KHDRBS3: variants seen among roughly 807,000 people sequenced by gnomAD.
The protein encoded by KHDRBS3 is KH RNA binding domain containing, signal transduction associated 3.
KHDRBS3 carries 23 observed loss-of-function variants against 45.6 expected under a neutral mutation model. The observed-to-expected ratio is 0.50, with a 90% CI of 0.36 to 0.72. The LOEUF is 0.72. Among genes scored for constraint, KHDRBS3 ranks in the 30% least tolerant of loss-of-function variants. The pLI is 0.00. For missense variants in KHDRBS3, 352 were observed against 424.8 expected (o/e 0.83, Z 1.51); for synonymous variants, 162 against 156.5 (o/e 1.04, Z -0.26).
intron 1 of KHDRBS3, among the ~76,000 whole-genome samples, chr8:135,496,010 C>G (rs1823420700): frequency 6.6e-6 from 1 of 151,438 alleles, no homozygotes; most frequent in Admixed American, 6.6e-5. Flanking sequence ...GATATGTATT[C>G]CCTTCTAGGG....
At chr8:135,542,382 G>C in intron 2 of KHDRBS3, 1 of 353,530 alleles carries the variant, frequency 2.8e-6, no homozygotes, top group Non-Finnish European at 5.2e-6. Context: ...GATAGCAACC[G>C]AGGAATTCTG....
At chr8:135,494,572 C>G (rs928987216) in intron 1 of KHDRBS3, among the ~76,000 whole-genome samples, 1 of 152,158 alleles carries the variant, frequency 6.6e-6, no homozygotes, top group Non-Finnish European at 1.5e-5. Context: ...GCCACCGCGC[C>G]CAGCCCTCCT....
chr8:135,574,255 G>GTTAGCACGTCACCTCCATCATGTTAGC (rs1482696673), intron 5 of KHDRBS3, among the ~76,000 whole-genome samples: 1 of 150,294 alleles, frequency 6.7e-6, no homozygotes, highest in Admixed American at 6.6e-5. Context: ...CCTCCATCAT[G>GTTAGCACGTCACCTCCATCATGTTAGC]CCTTTCTTCC....
At chr8:135,543,275 A>G (rs1281066092) in intron 3 of KHDRBS3, among the ~76,000 whole-genome samples, 1 of 152,188 alleles carries the variant, frequency 6.6e-6, no homozygotes, top group Admixed American at 6.5e-5. Flanking sequence ...TAATTGTTCT[A>G]CTTAGATGTA....
At chr8:135,602,394 G>A (rs1464045982) in intron 6 of KHDRBS3, among the ~76,000 whole-genome samples, 6 of 152,134 alleles carry the variant, frequency 3.9e-5, no homozygotes, top group African/African-American at 1.4e-4. Flanking sequence ...GAAATCTTGT[G>A]AAAATTGCAA....
intron 2 of KHDRBS3, chr8:135,538,580 T>A (rs551883874): frequency 5.3e-5 from 8 of 152,290 alleles, no homozygotes; most frequent in African/African-American, 1.9e-4. Context: ...GCTTAACACT[T>A]TATCTGATAT....
intron 6 of KHDRBS3, among the ~76,000 whole-genome samples, chr8:135,594,397 G>C (rs1339540394): frequency 6.6e-6 from 1 of 152,114 alleles, no homozygotes; most frequent in Non-Finnish European, 1.5e-5. Flanking sequence ...ACTGACTTTC[G>C]AATCCTTGCC....
At chr8:135,611,919 T>C (rs991029811) in intron 7 of KHDRBS3, among the ~76,000 whole-genome samples, 1 of 151,834 alleles carries the variant, frequency 6.6e-6, no homozygotes, top group African/African-American at 2.4e-5. Context: ...TTTCAGATCA[T>C]CCCCAGTATC....
Position 135,582,013 on chromosome 8 carries a change from C to T in KHDRBS3, c.747C>T (p.Val249=), listed in dbSNP as rs776511706. 19 of 1,612,278 alleles carry T rather than the reference C, an allele frequency of 1.2e-5. No homozygotes were observed. Among genetic ancestry groups the T allele is most frequent in the Non-Finnish European group, 1.6e-5 (19 of 1,179,100 alleles). The change falls in exon 6 of 9, where the codon GTC becomes GTT. Residue 249 remains valine (V), a synonymous_variant. Transcript: ENST00000355849. ...RGLLTPRARG[V]PPTGYRPPPP... ...TTCTCACTCCCAGAGCAAGAGGAGTCCCCCCAACTGGGTACAGACCTCCAC... is the reference window on the plus strand; with the variant it reads ...TTCTCACTCCCAGAGCAAGAGGAGTTCCCCCAACTGGGTACAGACCTCCAC...
chr8:135,548,266 C>G (rs1374837717), intron 3 of KHDRBS3, among the ~76,000 whole-genome samples: 1 of 152,112 alleles, frequency 6.6e-6, no homozygotes, highest in East Asian at 1.9e-4. Flanking sequence ...TCACTTTTTA[C>G]TAAGAGAAGA....
intron 5 of KHDRBS3, among the ~76,000 whole-genome samples, chr8:135,560,404 A>G (rs1198760542): frequency 6.6e-6 from 1 of 152,122 alleles, no homozygotes; most frequent in Non-Finnish European, 1.5e-5. Flanking sequence ...ACTTAAGATT[A>G]AATTACTCTT....
chr8:135,472,428 G>T (rs1053957718), intron 1 of KHDRBS3, among the ~76,000 whole-genome samples: 1 of 152,150 alleles, frequency 6.6e-6, no homozygotes, highest in African/African-American at 2.4e-5. Flanking sequence ...AGAGAGCTGG[G>T]GCATTTATCC....
At chr8:135,460,392 C>G (rs1054119044) in intron 1 of KHDRBS3, among the ~76,000 whole-genome samples, 2 of 152,192 alleles carry the variant, frequency 1.3e-5, no homozygotes, top group African/African-American at 4.8e-5. Context: ...TGTCCTCACA[C>G]TTGCATTCCG....
At chr8:135,600,344 G>A (rs1255009455) in intron 6 of KHDRBS3, among the ~76,000 whole-genome samples, 1 of 152,190 alleles carries the variant, frequency 6.6e-6, no homozygotes, top group Non-Finnish European at 1.5e-5. Context: ...GACTAGTCCA[G>A]TTGAAGAATT....
chr8:135,626,918 T>C (rs1004179911), intron 7 of KHDRBS3, among the ~76,000 whole-genome samples: 2 of 152,176 alleles, frequency 1.3e-5, no homozygotes, highest in African/African-American at 4.8e-5. Flanking sequence ...AATAATTTTT[T>C]TTCAATTATG....
At chr8:135,483,889 A>G (rs1822712404) in intron 1 of KHDRBS3, among the ~76,000 whole-genome samples, 1 of 152,196 alleles carries the variant, frequency 6.6e-6, no homozygotes, top group Non-Finnish European at 1.5e-5. Context: ...GCATAAATGA[A>G]GAATTCCCAT....
At chr8:135,628,993 C>T (rs545652816) in intron 7 of KHDRBS3, among the ~76,000 whole-genome samples, 1 of 152,306 alleles carries the variant, frequency 6.6e-6, no homozygotes, top group East Asian at 1.9e-4. Context: ...GACAGTTTAG[C>T]CTGAAGGCCA....
intron 2 of KHDRBS3, among the ~76,000 whole-genome samples, chr8:135,535,303 T>TTATACCTGTTACTTGCAAATAGGGACTC (rs1311794279): frequency 5.8e-5 from 6 of 103,402 alleles, no homozygotes; most frequent in African/African-American, 2.3e-4. Flanking sequence ...TATATATAGT[T>TTATACCTGTTACTTGCAAATAGGGACTC]AAACTATATA....
intron 1 of KHDRBS3, among the ~76,000 whole-genome samples, chr8:135,480,808 A>C (rs1822525210): frequency 6.6e-6 from 1 of 152,148 alleles, no homozygotes; most frequent in Non-Finnish European, 1.5e-5. Flanking sequence ...GAAAGTTGTG[A>C]ATACTGTTTT....
Sources: allele counts gnomAD v4.1 joint callset (sites outside exome capture counted in the v4.1 genomes callset), GRCh38; gene constraint gnomAD v4.1.1; transcripts MANE v1.5; gene names NCBI Gene and HGNC (gene_info 2026-07-23, HGNC 2026-07-21).